Variants in TLK2 observed in about 807,000 individuals in gnomAD.
TLK2 encodes tousled like kinase 2.
A neutral mutation model predicts 117.3 loss-of-function variants in TLK2; 6 were observed. That is an observed-to-expected ratio of 0.05 (90% CI 0.03 to 0.10). TLK2 has a LOEUF of 0.10. Among genes scored for constraint, TLK2 ranks in the 10% least tolerant of loss-of-function variants. The pLI is 1.00. For synonymous variants in TLK2, 257 were observed against 316.7 expected (o/e 0.81, Z 2.00); for missense variants, 299 against 901.2 (o/e 0.33, Z 8.56).
intron 9 of TLK2, among the ~76,000 whole-genome samples, chr17:62,559,186 C>T (rs1323625355): frequency 1.3e-5 from 2 of 152,082 alleles, no homozygotes; most frequent in African/African-American, 4.8e-5. Context: ...TGAACCAGGA[C>T]GTTGTTTGTT....
chr17:62,499,275 A>G (rs1355592751), intron 2 of TLK2, among the ~76,000 whole-genome samples: 1 of 151,726 alleles, frequency 6.6e-6, no homozygotes, highest in Non-Finnish European at 1.5e-5. Flanking sequence ...CAGGAGGTGC[A>G]GTGAGCCGAG....
At chr17:62,559,067 T>G (rs1459405910) in intron 9 of TLK2, among the ~76,000 whole-genome samples, 2 of 152,170 alleles carry the variant, frequency 1.3e-5, no homozygotes, top group African/African-American at 4.8e-5. Context: ...CGTCCTTGGG[T>G]TAGTGGTTCT....
intron 6 of TLK2, among the ~76,000 whole-genome samples, chr17:62,532,105 A>G (rs942998246): frequency 2.6e-5 from 4 of 152,118 alleles, no homozygotes; most frequent in South Asian, 2.1e-4. Flanking sequence ...TTATGTTCCT[A>G]ATTTCCCTTA....
chr17:62,536,664 T>A, intron 7 of TLK2, among the ~76,000 whole-genome samples: 1 of 151,996 alleles, frequency 6.6e-6, no homozygotes, highest in East Asian at 1.9e-4. Flanking sequence ...CAAGATATAA[T>A]TAAAAATAGA....
At chr17:62,503,359 G>T (rs2074381578) in intron 2 of TLK2, among the ~76,000 whole-genome samples, 1 of 150,812 alleles carries the variant, frequency 6.6e-6, no homozygotes, top group South Asian at 2.1e-4. Flanking sequence ...CACCGGGCCT[G>T]GCTTAACATT....
At chr17:62,540,932 A>C (rs1166924560) in intron 7 of TLK2, among the ~76,000 whole-genome samples, 1 of 152,106 alleles carries the variant, frequency 6.6e-6, no homozygotes, top group African/African-American at 2.4e-5. Flanking sequence ...GACATGTTTT[A>C]CTACCATCTA....
At position 62,542,612 on chromosome 17, in the gene TLK2, A is replaced by G. The variant is rs571144577; in HGVS notation, c.531+6275A>G. 2.6e-5 allele frequency among the ~76,000 whole-genome samples: 4 copies of G among 152,316 alleles called. No homozygotes were observed. The East Asian group carries it at 7.7e-4, about 29-fold the overall frequency. ...TAAGACTTGAAAAGAAGGAACATTT[A>G]CAATATTATGATTGTTTCATTGTTT... is the stretch of plus-strand genomic sequence containing the variant. On this transcript the variant is annotated intron_variant, in intron 7 of 21. Coordinates refer to ENST00000346027, the MANE Select transcript of TLK2 (RefSeq NM_006852.6).
intron 11 of TLK2, among the ~76,000 whole-genome samples, chr17:62,567,805 AT>A (rs935260737): frequency 1.7e-4 from 26 of 150,420 alleles, no homozygotes; most frequent in East Asian, 7.8e-4. Context: ...CCTTAGCACC[AT>A]TTTTTTTTGT....
chr17:62,611,161 T>A (rs976462411), intron 21 of TLK2, among the ~76,000 whole-genome samples: 1 of 152,140 alleles, frequency 6.6e-6, no homozygotes, highest in African/African-American at 2.4e-5. Flanking sequence ...AAAAAACAGT[T>A]TGACCAGTAT....
At chr17:62,553,827 A>G (rs1427366952) in intron 9 of TLK2, 72 bp downstream of exon 9, 5 of 956,314 alleles carry the variant, frequency 5.2e-6, no homozygotes, top group African/African-American at 5.0e-5. Flanking sequence ...TGTACATATC[A>G]TAGAAGTAAT....
intron 2 of TLK2, among the ~76,000 whole-genome samples, chr17:62,502,717 A>G (rs2074311448): frequency 6.6e-6 from 1 of 152,226 alleles, no homozygotes; most frequent in African/African-American, 2.4e-5. Flanking sequence ...TATTTCTCAT[A>G]CTAGCAATGA....
At chr17:62,573,478 C>T (rs1241253622) in intron 12 of TLK2, 111 bp downstream of exon 12, 3 of 1,405,232 alleles carry the variant, frequency 2.1e-6, no homozygotes, top group Non-Finnish European at 2.9e-6. Context: ...AGGTTTAAAC[C>T]TTCTTTTCAG....
At chr17:62,515,028 C>T (rs566862014) in intron 2 of TLK2, among the ~76,000 whole-genome samples, 1 of 152,366 alleles carries the variant, frequency 6.6e-6, no homozygotes, top group South Asian at 2.1e-4. Context: ...CTCCTCATCT[C>T]TACCTTCCTC....
At chr17:62,516,646 G>A in intron 2 of TLK2, 1 of 1,609,958 alleles carries the variant, frequency 6.2e-7, no homozygotes, top group East Asian at 2.2e-5. Context: ...ATGAAGGTTG[G>A]GCACATTCTT....
At chr17:62,611,137 C>CT (rs965052336) in intron 21 of TLK2, among the ~76,000 whole-genome samples, 10 of 152,058 alleles carry the variant, frequency 6.6e-5, no homozygotes, top group African/African-American at 2.4e-4. Context: ...GATCTTGTCT[C>CT]TAAAAAAAGT....
chr17:62,471,570 C>T (rs1490987435), intron 1 of TLK2, among the ~76,000 whole-genome samples: 3 of 152,132 alleles, frequency 2.0e-5, no homozygotes, highest in Non-Finnish European at 4.4e-5. Flanking sequence ...TTCATCTGGC[C>T]AACCTCAGAA....
At chr17:62,612,152 G>A (rs2083839932) in intron 21 of TLK2, 2 of 389,856 alleles carry the variant, frequency 5.1e-6, no homozygotes, top group East Asian at 4.3e-5. Context: ...CCTCCCTTCA[G>A]TAATGGCTCA....
intron 16 of TLK2, 44 bp from the exon 17 acceptor site, chr17:62,596,541 G>T: frequency 1.4e-6 from 2 of 1,423,146 alleles, no homozygotes; most frequent in Non-Finnish European, 2.0e-6. Context: ...GTTCTAAAAG[G>T]CAGGCCAATA....
intron 7 of TLK2, among the ~76,000 whole-genome samples, chr17:62,542,758 A>T (rs1210616853): frequency 6.6e-6 from 1 of 152,144 alleles, no homozygotes; most frequent in Admixed American, 6.6e-5. Flanking sequence ...CCTTAATGGC[A>T]AGTCTGTTGT....
Sources: allele counts gnomAD v4.1 joint callset (sites outside exome capture counted in the v4.1 genomes callset), GRCh38; gene constraint gnomAD v4.1.1; transcripts MANE v1.5; gene names NCBI Gene and HGNC (gene_info 2026-07-23, HGNC 2026-07-21).